STK17B: variants seen among roughly 807,000 people sequenced by gnomAD.
STK17B encodes the protein serine/threonine kinase 17b, also known as serine/threonine-protein kinase 17B.
In STK17B, 21 loss-of-function variants were observed where a neutral mutation model predicts 42.0. That is an observed-to-expected ratio of 0.50 (90% CI 0.35 to 0.72). STK17B has a LOEUF of 0.72. Among genes scored for constraint, STK17B ranks in the 30% least tolerant of loss-of-function variants. STK17B has a pLI of 0.00. For synonymous variants in STK17B, 143 were observed against 148.4 expected (o/e 0.96, Z 0.26); for missense variants, 349 against 446.0 (o/e 0.78, Z 1.96).
intron 2 of STK17B, among the ~76,000 whole-genome samples, chr2:196,160,078 C>G (rs1387646668): frequency 1.3e-5 from 2 of 152,148 alleles, no homozygotes; most frequent in Non-Finnish European, 2.9e-5. Context: ...AAATATGTTT[C>G]TATTCCAAAT....
intron 4 of STK17B, among the ~76,000 whole-genome samples, chr2:196,144,473 C>T (rs1164570992): frequency 5.0e-5 from 6 of 118,930 alleles, no homozygotes; most frequent in South Asian, 2.8e-4. Context: ...GGCGACAGAG[C>T]GAGACTCTGT....
chr2:196,137,795 ATAGAT>A (rs1699429804), intron 7 of STK17B, 66 bp from the exon 8 acceptor site: 1 of 1,513,644 alleles, frequency 6.6e-7, no homozygotes, highest in African/African-American at 1.4e-5. Context: ...CTTCAGTTTG[ATAGAT>A]TATAGACATA....
chr2:196,143,613 T>C lies in STK17B; in HGVS notation c.554A>G (p.Lys185Arg). ...IKIVDFGMSR[K>R]IGHACELREI... Reference sequence around the variant, plus strand: ...CCGAAGTTCACACGCATGCCCTATTTTTCGAGACATTCCAAAATCTACTAT... The same window carrying C: ...CCGAAGTTCACACGCATGCCCTATTCTTCGAGACATTCCAAAATCTACTAT... Residue 185 changes from lysine to arginine, a missense_variant, in exon 5 of 8, where the codon AAA becomes AGA. By Grantham distance (26) the Lys-to-Arg change is conservative. This residue lies in a region of STK17B where 256 missense variants were observed against 347.7 expected (regional missense o/e 0.74). Transcript: ENST00000263955. 6.2e-7 allele frequency: 1 copy of C among 1,610,344 alleles called. No homozygotes were observed.
chr2:196,163,480 C>T, intron 1 of STK17B, 53 bp from the exon 2 acceptor site: 1 of 1,344,288 alleles, frequency 7.4e-7, no homozygotes, highest in South Asian at 1.5e-5. Flanking sequence ...GCAGGATGTG[C>T]ATTACATTAC....
chr2:196,137,846 G>T, intron 7 of STK17B, 117 bp from the exon 8 acceptor site: 1 of 1,149,046 alleles, frequency 8.7e-7, no homozygotes, highest in Non-Finnish European at 1.2e-6. Flanking sequence ...CATACTCATA[G>T]TATAAAATCC....
chr2:196,150,676 T>C (rs1699654341), intron 3 of STK17B, among the ~76,000 whole-genome samples: 1 of 152,250 alleles, frequency 6.6e-6, no homozygotes, highest in African/African-American at 2.4e-5. Context: ...TCTAGTCATA[T>C]AGCTTTGAAA....
chr2:196,134,966 C>A lies in STK17B; in HGVS notation c.*2481G>T, dbSNP rs1360428008. On this transcript the variant is annotated 3_prime_UTR_variant, in exon 8 of 8. Transcript: ENST00000263955. ...ATCAATAACGTTATTTAAATTCACA[C>A]CTTTGTAAAAAGAGTGGATTTTTAT... The A allele has an allele frequency of 6.6e-6, 1 of 152,138 alleles. No homozygotes were observed. Among genetic ancestry groups the A allele is most frequent in the Admixed American group, 6.5e-5 (1 of 15,278 alleles). 9.4% of individuals were successfully genotyped at this position (152,138 alleles called of 1,614,324 possible).
intron 3 of STK17B, among the ~76,000 whole-genome samples, 188 bp from the exon 4 acceptor site, chr2:196,146,243 A>T (rs1437043811): frequency 6.6e-6 from 1 of 152,196 alleles, no homozygotes; most frequent in African/African-American, 2.4e-5. Context: ...GCGGTGGCTC[A>T]TGTCTGTAAT....
At chr2:196,140,285 A>AT (rs1699474840) in intron 6 of STK17B, among the ~76,000 whole-genome samples, 1 of 152,216 alleles carries the variant, frequency 6.6e-6, no homozygotes, top group Admixed American at 6.5e-5. Context: ...GAAAAAGACA[A>AT]TATAGTACAT....
At chr2:196,154,808 G>A (rs1001408282) in intron 3 of STK17B, 3 of 152,248 alleles carry the variant, frequency 2.0e-5, no homozygotes, top group African/African-American at 7.2e-5. Flanking sequence ...GGAAGGCATA[G>A]TAATTAAGCC....
At chr2:196,139,901 G>C in intron 6 of STK17B, 102 bp from the exon 7 acceptor site, 1 of 800,554 alleles carries the variant, frequency 1.2e-6, no homozygotes, top group Non-Finnish European at 1.8e-6. Context: ...AAACTGGTAC[G>C]GTTAAACTAC....
chr2:196,137,205 A>G lies in STK17B; in HGVS notation c.*242T>C, dbSNP rs1699418592. ...AATTATTTCATTAACATGTAAACTC[A>G]CATGTACAATTTTACTTTTTGTCAT... On this transcript the variant is annotated 3_prime_UTR_variant, in exon 8 of 8. Transcript: ENST00000263955. 6.9e-6 allele frequency: 3 copies of G among 432,744 alleles called. No individual in the cohort carries two copies. The South Asian group carries it at 1.2e-4, about 17-fold the overall frequency. The allele number at this position is 432,744 out of a possible 1,614,324, so 26.8% of individuals were successfully genotyped here. A position where few individuals can be genotyped will look rare whatever the true frequency, so the allele number is the denominator to read the frequency against.
At chr2:196,151,346 C>T (rs2105694516) in intron 3 of STK17B, 1 of 152,222 alleles carries the variant, frequency 6.6e-6, no homozygotes, top group East Asian at 1.9e-4. Context: ...TGGGTTCACA[C>T]CACTCTCCTG....
At position 196,163,316 on chromosome 2, in the gene STK17B, A is replaced by G; in HGVS notation, c.68T>C (p.Ile23Thr). Residue 23 changes from isoleucine to threonine, a missense_variant, in exon 2 of 8, where the codon ATA becomes ACA. Ile to Thr is a moderately conservative substitution (Grantham distance 89). This residue lies in a region of STK17B where 256 missense variants were observed against 347.7 expected (regional missense o/e 0.74). Coordinates refer to ENST00000263955, the MANE Select transcript of STK17B (RefSeq NM_004226.4). Reference sequence around the variant, plus strand: ...GAAATTATTAAAGTTTTCCATTTTTATTGGAATTTGAGGAGTTGTAGTTAG... The same window carrying G: ...GAAATTATTAAAGTTTTCCATTTTTGTTGGAATTTGAGGAGTTGTAGTTAG... ...GLLTTTPQIP[I>T]KMENFNNFYI... The G allele has an allele frequency of 6.2e-7, 1 of 1,606,920 alleles. No individual in the cohort carries two copies. Among genetic ancestry groups the G allele is most frequent in the South Asian group, 1.1e-5 (1 of 89,524 alleles).
At chr2:196,145,555 A>G (rs1699560768) in intron 4 of STK17B, among the ~76,000 whole-genome samples, 1 of 152,224 alleles carries the variant, frequency 6.6e-6, no homozygotes, top group Non-Finnish European at 1.5e-5. Flanking sequence ...ATTTTCAGAG[A>G]TGGAGATTAC....
chr2:196,163,764 A>G (rs1264723403), intron 1 of STK17B, among the ~76,000 whole-genome samples: 1 of 152,122 alleles, frequency 6.6e-6, no homozygotes, highest in Non-Finnish European at 1.5e-5. Flanking sequence ...TCAGCTGGAC[A>G]TGGTGGTATA....
At chr2:196,145,631 G>A (rs1699562076) in intron 4 of STK17B, among the ~76,000 whole-genome samples, 1 of 152,216 alleles carries the variant, frequency 6.6e-6, no homozygotes, top group Non-Finnish European at 1.5e-5. Flanking sequence ...GGTTGTAAGA[G>A]TGGGATGGAA....
At chr2:196,158,962 G>T (rs982551864) in intron 2 of STK17B, among the ~76,000 whole-genome samples, 1 of 147,524 alleles carries the variant, frequency 6.8e-6, no homozygotes, top group Non-Finnish European at 1.5e-5. Flanking sequence ...AGTGAGCTGA[G>T]ACCACGTCAC....
intron 2 of STK17B, 111 bp from the exon 3 acceptor site, chr2:196,156,762 G>T: frequency 1.2e-6 from 1 of 814,384 alleles, no homozygotes; most frequent in Non-Finnish European, 1.9e-6. Flanking sequence ...AAATATCTGT[G>T]TCATTAGGAA....
Sources: allele counts gnomAD v4.1 joint callset (sites outside exome capture counted in the v4.1 genomes callset), GRCh38; gene constraint gnomAD v4.1.1; regional missense constraint gnomAD v4.1.1; transcripts MANE v1.5; gene names NCBI Gene and HGNC (gene_info 2026-07-23, HGNC 2026-07-21).